The following ERBIN variants were observed in gnomAD, a reference collection of about 807,000 sequenced individuals.
The protein encoded by ERBIN is erbb2 interacting protein.
ERBIN carries 60 observed loss-of-function variants against 158.4 expected under a neutral mutation model. The ratio of observed to expected loss-of-function variants is 0.38; its 90% CI spans 0.31 to 0.47. The LOEUF is 0.47. Ranked by LOEUF, ERBIN falls within the 20% of genes least tolerant of loss-of-function variation. ERBIN has a pLI of 0.99. For synonymous variants in ERBIN, 594 were observed against 557.2 expected (o/e 1.07, Z -0.93); for missense variants, 1,610 against 1,648.0 (o/e 0.98, Z 0.40).
intron 1 of ERBIN, among the ~76,000 whole-genome samples, chr5:65,959,167 A>G (rs1228526439): frequency 1.3e-5 from 2 of 152,160 alleles, no homozygotes; most frequent in Non-Finnish European, 2.9e-5. Context: ...ATATAATGCT[A>G]GCTAACACGT....
intron 1 of ERBIN, among the ~76,000 whole-genome samples, chr5:65,965,559 C>CATGCCTGGCTA (rs58300091): frequency 0.82 from 123,590 of 151,610 alleles, 50,861 homozygotes; most frequent in Non-Finnish European, 0.86. Context: ...CATGTGCTAC[C>CATGCCTGGCTA]ATTTTTGTAT....
chr5:65,930,522 A>G (rs1743236149), intron 1 of ERBIN, among the ~76,000 whole-genome samples: 1 of 151,966 alleles, frequency 6.6e-6, no homozygotes, highest in Admixed American at 6.6e-5. Context: ...GTTAGCCAGG[A>G]TGGTCTTTAT....
chr5:66,051,461 G>A lies in ERBIN; in HGVS notation c.2087+495G>A, dbSNP rs141302673. ...AGTCTAAAACACATTTTATTATTTA[G>A]GCTCTTGAGAAATTGGTTGTCTATA... On this transcript the variant is annotated intron_variant, in intron 20 of 25. Transcript: ENST00000284037. Among the ~76,000 whole-genome samples, 9 of 152,200 alleles carry A rather than the reference G, an allele frequency of 5.9e-5. No individual in the cohort carries two copies. The East Asian group carries it at 1.7e-3, about 29-fold the overall frequency.
At chr5:65,968,283 A>T (rs1227008522) in intron 1 of ERBIN, among the ~76,000 whole-genome samples, 2 of 152,198 alleles carry the variant, frequency 1.3e-5, no homozygotes. Context: ...TCTGTCCGGC[A>T]CGGTGAGGAT....
intron 1 of ERBIN, among the ~76,000 whole-genome samples, chr5:65,963,046 A>G (rs2150962175): frequency 6.6e-6 from 1 of 152,320 alleles, no homozygotes; most frequent in South Asian, 2.1e-4. Flanking sequence ...TTTGAGTATC[A>G]GGTCATAATT....
chr5:66,065,591 CTGTGTGTG>C (rs56164922), intron 21 of ERBIN, among the ~76,000 whole-genome samples: 6,023 of 108,968 alleles, frequency 0.055, 336 homozygotes, highest in Non-Finnish European at 0.083. Context: ...TAATTTTGAC[CTGTGTGTG>C]TGTGTGTGTG....
intron 1 of ERBIN, among the ~76,000 whole-genome samples, chr5:65,953,028 T>C (rs998705301): frequency 6.6e-6 from 1 of 152,242 alleles, no homozygotes; most frequent in African/African-American, 2.4e-5. Context: ...GGTTAGAATT[T>C]AGTATTTTCA....
Position 66,081,298 on chromosome 5 carries a change from C to G in ERBIN, c.*2768C>G, listed in dbSNP as rs1028049960. 4 of 151,782 alleles carry G rather than the reference C, an allele frequency of 2.6e-5. No homozygotes were observed. The highest frequency in any genetic ancestry group is 5.9e-5 in the Non-Finnish European group (4 of 67,848). 9.4% of individuals were successfully genotyped at this position (151,782 alleles called of 1,614,324 possible). A position where few individuals can be genotyped will look rare whatever the true frequency, so the allele number is the denominator to read the frequency against. On this transcript the variant is annotated 3_prime_UTR_variant, in exon 26 of 26. Coordinates refer to ENST00000284037, the MANE Select transcript of ERBIN (RefSeq NM_001253697.2). The stretch of plus-strand genomic sequence containing the variant: ...CTGAATCAATGAAATTCTAAAATTC[C>G]CTACATATTTATTTTGTAAATATTC...
intron 18 of ERBIN, among the ~76,000 whole-genome samples, chr5:66,047,929 A>G (rs936731999): frequency 8.5e-5 from 13 of 152,050 alleles, no homozygotes; most frequent in African/African-American, 3.1e-4. Context: ...GAATGCAAAT[A>G]TATATAATTA....
At chr5:65,961,947 C>T (rs1366830129) in intron 1 of ERBIN, among the ~76,000 whole-genome samples, 1 of 152,106 alleles carries the variant, frequency 6.6e-6, no homozygotes, top group Non-Finnish European at 1.5e-5. Context: ...AGCTAGTTGT[C>T]TGACATTTTT....
chr5:66,022,085 C>A (rs706681), intron 8 of ERBIN, among the ~76,000 whole-genome samples: 126,444 of 151,836 alleles, frequency 0.83, 53,213 homozygotes, highest in African/African-American at 0.88. Context: ...GGTTTTAAGC[C>A]TAGGAATTTC....
intron 21 of ERBIN, among the ~76,000 whole-genome samples, chr5:66,069,453 A>T (rs1335354487): frequency 6.6e-6 from 1 of 152,254 alleles, no homozygotes; most frequent in Non-Finnish European, 1.5e-5. Flanking sequence ...ACTAATGTTA[A>T]TCATAATTCA....
intron 1 of ERBIN, among the ~76,000 whole-genome samples, chr5:65,935,839 C>T (rs1189913225): frequency 6.6e-6 from 1 of 152,150 alleles, no homozygotes; most frequent in African/African-American, 2.4e-5. Flanking sequence ...ATCCTTTCAC[C>T]TCAGCATCCT....
At chr5:66,061,863 A>G (rs1760410209) in intron 21 of ERBIN, among the ~76,000 whole-genome samples, 1 of 152,126 alleles carries the variant, frequency 6.6e-6, no homozygotes, top group Non-Finnish European at 1.5e-5. Flanking sequence ...AGAATGTTGG[A>G]TATTGGCCCC....
Position 65,994,983 on chromosome 5 carries a change from A to G in ERBIN, c.307+119A>G. 6 of 636,874 alleles carry G rather than the reference A, an allele frequency of 9.4e-6. No homozygotes were observed. The South Asian group carries it at 1.2e-4, about 13-fold the overall frequency. The allele number at this position is 636,874 out of a possible 1,614,324, so 39.5% of individuals were successfully genotyped here. A position where few individuals can be genotyped will look rare whatever the true frequency, so the allele number is the denominator to read the frequency against. ...AAGTTAAATCTAATGTATTAATATGAACTTCATCTAAGAATGTTTTATGTA... is the reference window on the plus strand; with the variant it reads ...AAGTTAAATCTAATGTATTAATATGGACTTCATCTAAGAATGTTTTATGTA... On this transcript the variant is annotated intron_variant, in intron 4 of 25. Coordinates refer to ENST00000284037, the MANE Select transcript of ERBIN (RefSeq NM_001253697.2).
rs887989001 is a variant in ERBIN, at chr5:66,082,106, A to T, written c.*3576A>T. The T allele has an allele frequency of 6.6e-6, 1 of 152,218 alleles. No individual in the cohort carries two copies. Among genetic ancestry groups the T allele is most frequent in the African/African-American group, 2.4e-5 (1 of 41,456 alleles). 9.4% of individuals were successfully genotyped at this position (152,218 alleles called of 1,614,324 possible). A position where few individuals can be genotyped will look rare whatever the true frequency, so the allele number is the denominator to read the frequency against. On this transcript the variant is annotated 3_prime_UTR_variant, in exon 26 of 26. Transcript: ENST00000284037. Reference sequence around the variant, plus strand: ...AGAGAATGCTATCTTCTACAGTCTCATGAAGCAGTTTTTCAAGATTAGAAT... The same window carrying T: ...AGAGAATGCTATCTTCTACAGTCTCTTGAAGCAGTTTTTCAAGATTAGAAT...
chr5:65,992,942 G>T, intron 3 of ERBIN, 35 bp downstream of exon 3: 2 of 1,431,090 alleles, frequency 1.4e-6, no homozygotes, highest in South Asian at 1.4e-5. Context: ...ATTATCTTTG[G>T]TTATTTTTAT....
At chr5:66,049,481 A>G (rs887822444) in intron 19 of ERBIN, among the ~76,000 whole-genome samples, 3 of 152,108 alleles carry the variant, frequency 2.0e-5, no homozygotes, top group South Asian at 2.1e-4. Context: ...CTTAGGTACT[A>G]TACTAAATAT....
intron 7 of ERBIN, among the ~76,000 whole-genome samples, chr5:66,018,593 A>ATATAATATATAATATATAATATATAT (rs1755306506): frequency 1.4e-3 from 12 of 8,674 alleles, no homozygotes; most frequent in Non-Finnish European, 2.6e-3. Flanking sequence ...ATATTATATA[A>ATATAATATATAATATATAATATATAT]TATATATTAT....
Sources: gnomAD v4.1 joint callset for allele counts (sites outside exome capture counted in the v4.1 genomes callset) on GRCh38, gnomAD v4.1.1 for gene constraint, MANE v1.5 for transcripts, NCBI Gene and HGNC (gene_info 2026-07-23, HGNC 2026-07-21) for gene names.